TTYH3: variants seen among roughly 807,000 people sequenced by gnomAD.
TTYH3 encodes the protein protein tweety homolog 3.
TTYH3 carries 23 observed loss-of-function variants against 68.2 expected under a neutral mutation model. The ratio of observed to expected loss-of-function variants is 0.34; its 90% confidence interval spans 0.24 to 0.48. TTYH3 has a LOEUF of 0.48. TTYH3 is among the 20% of genes least tolerant of loss of function. The pLI is 0.99. For missense variants in TTYH3, 768 were observed against 727.7 expected (o/e 1.06, Z -0.64); for synonymous variants, 360 against 332.8 (o/e 1.08, Z -0.89).
intron 13 of TTYH3, chr7:2,660,031 A>T (rs1440663437): frequency 7.8e-7 from 1 of 1,286,040 alleles, no homozygotes; most frequent in African/African-American, 1.7e-5. Context: ...CTGTTCCCTC[A>T]GAGCGACAGG....
Position 2,659,074 on chromosome 7 carries a change from C to T in TTYH3, c.1500+59C>T, listed in dbSNP as rs1786419617. On this transcript the variant is annotated intron_variant, in intron 13 of 13. Transcript: ENST00000258796. ...TGCTCAGCCTTGGGGGTCCGCTGTTCCACTGCGTCGGTGGGCTGGTGTGGC... is the reference window on the plus strand; with the variant it reads ...TGCTCAGCCTTGGGGGTCCGCTGTTTCACTGCGTCGGTGGGCTGGTGTGGC... The T allele has an allele frequency of 7.2e-6, 11 of 1,529,980 alleles. No homozygotes were observed. The East Asian group carries it at 2.5e-4, about 35-fold the overall frequency. 94.8% of individuals were successfully genotyped at this position (1,529,980 alleles called of 1,614,324 possible).
At chr7:2,639,611 C>T (rs1336712620) in intron 1 of TTYH3, among the ~76,000 whole-genome samples, 1 of 152,252 alleles carries the variant, frequency 6.6e-6, no homozygotes, top group Non-Finnish European at 1.5e-5. Flanking sequence ...GCCCGGAGCC[C>T]AGCCAGGACC....
chr7:2,661,529 C>T, intron 13 of TTYH3, 139 bp from the exon 14 acceptor site: 1 of 845,304 alleles, frequency 1.2e-6, no homozygotes, highest in African/African-American at 1.7e-5. Flanking sequence ...TCCCTATAGG[C>T]TCTGTCAGGG....
At chr7:2,652,317 GGCCTGGC>G (rs1786205378) in intron 8 of TTYH3, 75 bp downstream of exon 8, 2 of 1,365,128 alleles carry the variant, frequency 1.5e-6, no homozygotes, top group Non-Finnish European at 2.0e-6. Context: ...GGGCCCAGCA[GGCCTGGC>G]GCCTGGCTCC....
Position 2,664,475 on chromosome 7 carries a change from A to G in TTYH3, c.*2736A>G, listed in dbSNP as rs1786568730. Reference sequence around the variant, plus strand: ...AACCACTTCATATTTGTTATATATAATATATATATATATAATCTCCTTAAG... The same window carrying G: ...AACCACTTCATATTTGTTATATATAGTATATATATATATAATCTCCTTAAG... On this transcript the variant is annotated 3_prime_UTR_variant, in exon 14 of 14. Transcript: ENST00000258796. The G allele has an allele frequency of 6.7e-6, 1 of 148,962 alleles. No individual in the cohort carries two copies. The highest frequency in any genetic ancestry group is 2.5e-5 in the African/African-American group (1 of 40,430). 9.2% of individuals were successfully genotyped at this position (148,962 alleles called of 1,614,324 possible).
intron 11 of TTYH3, among the ~76,000 whole-genome samples, chr7:2,656,803 G>C (rs1786348707): frequency 6.6e-6 from 1 of 152,214 alleles, no homozygotes; most frequent in Non-Finnish European, 1.5e-5. Context: ...GGAGGACTGG[G>C]GTCTCTTGCC....
intron 13 of TTYH3, 132 bp downstream of exon 13, chr7:2,659,147 C>T (rs573657600): frequency 2.7e-4 from 244 of 902,366 alleles, no homozygotes; most frequent in Non-Finnish European, 3.5e-4. Flanking sequence ...CTGCCACCAC[C>T]GGGGTCCCAG....
At position 2,652,952 on chromosome 7, in the gene TTYH3, T is replaced by C; in HGVS notation, c.962T>C (p.Met321Thr). ...LSGSHKALVE[M>T]QDVVAELLRT... The stretch of plus-strand genomic sequence containing the variant: ...GGCAGCCACAAGGCACTGGTGGAGA[T>C]GCAGGATGTCGTGGCTGAGCTTCTG... Residue 321 changes from methionine (M) to threonine (T), a missense_variant, in exon 9 of 14, where the codon ATG becomes ACG. Physicochemically the swap from Met to Thr is moderately conservative, Grantham distance 81. Transcript: ENST00000258796. 6.3e-7 allele frequency: 1 copy of C among 1,577,024 alleles called. No homozygotes were observed. The highest frequency in any genetic ancestry group is 1.2e-5 in the South Asian group (1 of 85,718).
At chr7:2,646,772 G>T in intron 1 of TTYH3, 81 bp from the exon 2 acceptor site, 2 of 1,433,166 alleles carry the variant, frequency 1.4e-6, no homozygotes, top group South Asian at 1.3e-5. Context: ...GGGAGTCTGC[G>T]CCAGGTCCCC....
intron 1 of TTYH3, among the ~76,000 whole-genome samples, chr7:2,634,447 GGGGTGGA>G: frequency 6.6e-6 from 1 of 152,226 alleles, no homozygotes; most frequent in Admixed American, 6.5e-5. Flanking sequence ...GCTGTAGTGG[GGGGTGGA>G]CCCCTCACCC....
chr7:2,658,235 C>A, intron 11 of TTYH3, 51 bp from the exon 12 acceptor site: 1 of 1,469,152 alleles, frequency 6.8e-7, no homozygotes, highest in Non-Finnish European at 9.1e-7. Flanking sequence ...GGTCTGTGGC[C>A]AGCTCCTTCC....
intron 1 of TTYH3, among the ~76,000 whole-genome samples, chr7:2,635,770 C>T (rs1178830046): frequency 4.6e-5 from 7 of 152,210 alleles, no homozygotes. Context: ...CTCAGTTTGC[C>T]TAGCATGGGG....
At chr7:2,639,280 G>T (rs934291625) in intron 1 of TTYH3, among the ~76,000 whole-genome samples, 1 of 152,196 alleles carries the variant, frequency 6.6e-6, no homozygotes, top group Admixed American at 6.5e-5. Context: ...GGGCCTGGCT[G>T]GTCCCTGCTG....
At chr7:2,638,512 G>GA (rs1785740564) in intron 1 of TTYH3, among the ~76,000 whole-genome samples, 1 of 152,114 alleles carries the variant, frequency 6.6e-6, no homozygotes, top group Non-Finnish European at 1.5e-5. Flanking sequence ...TGGAGGGTGA[G>GA]GGCCAGCCCG....
At position 2,645,458 on chromosome 7, in the gene TTYH3, T is replaced by A. The variant is rs1785954975; in HGVS notation, c.124-1395T>A. ...GTGCTGAGGAAATGTCACTGTTGCA[T>A]CAAATTAGCCACTTCCTGTGGGGGT... On this transcript the variant is annotated intron_variant, in intron 1 of 13. Transcript: ENST00000258796. The surrounding 1 kb of genome is among the most constrained non-coding windows in gnomAD (Gnocchi z 4.8). 2 of 174,030 alleles carry A rather than the reference T, an allele frequency of 1.1e-5. No homozygotes were observed. Among genetic ancestry groups the A allele is most frequent in the Non-Finnish European group, 2.5e-5 (2 of 79,806 alleles). 10.8% of individuals were successfully genotyped at this position (174,030 alleles called of 1,614,324 possible). A position where few individuals can be genotyped will look rare whatever the true frequency, so the allele number is the denominator to read the frequency against.
In TTYH3 at chr7:2,663,726, AG is replaced by A. The variant is rs1282544204; in HGVS notation, c.*1989del. ...AGCACAAATGCTGTCCATGGCCGTG[AG>A]GCTGCCTGCCAGGTGAATGGACATA... On this transcript the variant is annotated 3_prime_UTR_variant, in exon 14 of 14. Coordinates refer to ENST00000258796, the MANE Select transcript of TTYH3 (RefSeq NM_025250.3). 2.6e-5 allele frequency: 4 copies of A among 152,704 alleles called. No individual in the cohort carries two copies. Among genetic ancestry groups the A allele is most frequent in the Non-Finnish European group, 5.9e-5 (4 of 68,066 alleles). The allele number at this position is 152,704 out of a possible 1,614,324, so 9.5% of individuals were successfully genotyped here. A position where few individuals can be genotyped will look rare whatever the true frequency, so the allele number is the denominator to read the frequency against.
intron 9 of TTYH3, among the ~76,000 whole-genome samples, chr7:2,655,105 G>A (rs1337459511): frequency 6.6e-6 from 1 of 151,956 alleles, no homozygotes; most frequent in Non-Finnish European, 1.5e-5. Flanking sequence ...GCACCATTGA[G>A]CCCGTAACAG....
chr7:2,636,370 G>A (rs1222073191), intron 1 of TTYH3, among the ~76,000 whole-genome samples: 1 of 152,096 alleles, frequency 6.6e-6, no homozygotes, highest in African/African-American at 2.4e-5. Flanking sequence ...AGACAGAAGC[G>A]TCCCTCCAGC....
chr7:2,660,942 A>T (rs1786478573), intron 13 of TTYH3, among the ~76,000 whole-genome samples: 1 of 152,006 alleles, frequency 6.6e-6, no homozygotes, highest in Non-Finnish European at 1.5e-5. Context: ...CAAGACCTTC[A>T]CACTCCTGCC....
Sources: allele counts gnomAD v4.1 joint callset (sites outside exome capture counted in the v4.1 genomes callset), GRCh38; gene constraint gnomAD v4.1.1; non-coding constraint Gnocchi (gnomAD v3.1); transcripts MANE v1.5; gene names NCBI Gene and HGNC (gene_info 2026-07-23, HGNC 2026-07-21).